Variants in TAF1B observed in about 807,000 individuals in gnomAD.
The protein encoded by TAF1B is TATA-box binding protein associated factor, RNA polymerase I subunit B.
In TAF1B, 61 loss-of-function variants were observed where a neutral mutation model predicts 83.9. The observed-to-expected ratio is 0.73, with a 90% CI of 0.59 to 0.90. The LOEUF (loss-of-function observed/expected upper bound fraction) is 0.90, where lower values mean the gene tolerates loss of function less well. TAF1B is among the 40% of genes least tolerant of loss of function. The probability of loss-of-function intolerance (pLI) is 0.00; values close to 1 mark genes in which losing one functional copy is unlikely to be tolerated. For missense variants in TAF1B, 625 were observed against 677.0 expected, an observed-to-expected ratio of 0.92 and a Z score of 0.85; for synonymous variants, 221 against 224.6, an observed-to-expected ratio of 0.98 and a Z score of 0.14.
chr2:9,864,332 A>G (rs1323640887), intron 5 of TAF1B, among the ~76,000 whole-genome samples: 1 of 152,158 alleles, frequency 6.6e-6, no homozygotes, highest in Non-Finnish European at 1.5e-5. Flanking sequence ...TAAACTAGAG[A>G]ATCTAGAAGA....
At chr2:9,876,072 G>A (rs1366905872) in intron 7 of TAF1B, 54 bp downstream of exon 7, 5 of 1,483,058 alleles carry the variant, frequency 3.4e-6, no homozygotes, top group South Asian at 1.4e-5. Flanking sequence ...CATGAACTAA[G>A]TAGACAAACT....
intron 5 of TAF1B, among the ~76,000 whole-genome samples, chr2:9,856,902 T>C (rs963803236): frequency 2.6e-5 from 4 of 152,344 alleles, no homozygotes; most frequent in Non-Finnish European, 5.9e-5. Flanking sequence ...ATTAGAAGCA[T>C]AGTTTTCTCA....
At chr2:9,918,778 T>G (rs1230774113) in intron 12 of TAF1B, among the ~76,000 whole-genome samples, 1 of 152,196 alleles carries the variant, frequency 6.6e-6, no homozygotes, top group Non-Finnish European at 1.5e-5. Context: ...AGTTTCTATG[T>G]TTTTTGTATA....
In TAF1B at chr2:9,896,620, CAAAAA is replaced by C. The variant is rs71391108; in HGVS notation, c.808-8221_808-8217del. ...GAAAGTTGAGAGCACATCTAAAAAC[CAAAAA>C]AAAAAAAAAAAAAAAAAGCTTTAAA... On this transcript the variant is annotated intron_variant, in intron 8 of 14. Transcript: ENST00000263663. Among the ~76,000 whole-genome samples, 27 of 66,536 alleles carry C rather than the reference CAAAAA, an allele frequency of 4.1e-4. No individual in the cohort carries two copies. The South Asian group carries it at 4.9e-3, about 12-fold the overall frequency. The allele number at this position is 66,536 out of a possible 152,430, so 43.7% of individuals were successfully genotyped here.
chr2:9,911,675 C>A, intron 11 of TAF1B, 118 bp downstream of exon 11: 4 of 579,232 alleles, frequency 6.9e-6, no homozygotes, highest in South Asian at 3.1e-5. Context: ...CACATGTATA[C>A]AAATTGTATA....
chr2:9,922,989 A>G (rs1170548661), intron 14 of TAF1B, among the ~76,000 whole-genome samples: 1 of 152,208 alleles, frequency 6.6e-6, no homozygotes, highest in Non-Finnish European at 1.5e-5. Context: ...TCCACCTGTA[A>G]TCCTAGCACT....
intron 6 of TAF1B, among the ~76,000 whole-genome samples, chr2:9,871,273 G>C (rs943621464): frequency 6.6e-6 from 1 of 151,944 alleles, no homozygotes; most frequent in Non-Finnish European, 1.5e-5. Context: ...TAGTAGAGAC[G>C]GGGTTTCATC....
chr2:9,905,053 A>G, intron 9 of TAF1B, 47 bp downstream of exon 9: 2 of 1,527,284 alleles, frequency 1.3e-6, no homozygotes, highest in Non-Finnish European at 1.8e-6. Flanking sequence ...TAGTAGAGTA[A>G]TAATAAGCAG....
chr2:9,924,510 A>G (rs927193479), intron 14 of TAF1B, among the ~76,000 whole-genome samples: 1 of 152,234 alleles, frequency 6.6e-6, no homozygotes, highest in African/African-American at 2.4e-5. Flanking sequence ...GCTCCATGCC[A>G]CTAAATAAGG....
chr2:9,875,014 A>C (rs1460382627), intron 6 of TAF1B, among the ~76,000 whole-genome samples: 1 of 149,642 alleles, frequency 6.7e-6, no homozygotes, highest in Non-Finnish European at 1.5e-5. Flanking sequence ...CCCAGGTTGG[A>C]TGGAGTGCAA....
intron 9 of TAF1B, among the ~76,000 whole-genome samples, chr2:9,909,493 A>G (rs561913094): frequency 1.3e-5 from 2 of 152,396 alleles, no homozygotes; most frequent in African/African-American, 4.8e-5. Context: ...TGTGCAAAGC[A>G]GAGAGGCAAG....
chr2:9,871,273 G>A (rs943621464), intron 6 of TAF1B, among the ~76,000 whole-genome samples: 4 of 151,940 alleles, frequency 2.6e-5, no homozygotes, highest in South Asian at 2.1e-4. Context: ...TAGTAGAGAC[G>A]GGGTTTCATC....
At chr2:9,910,626 CTG>C in intron 9 of TAF1B, 108 bp from the exon 10 acceptor site, 1 of 891,230 alleles carries the variant, frequency 1.1e-6, no homozygotes, top group East Asian at 2.8e-5. Flanking sequence ...ATGTGGGTCT[CTG>C]AGTTCTTGCA....
intron 7 of TAF1B, among the ~76,000 whole-genome samples, chr2:9,880,033 G>T (rs183101259): frequency 2.6e-5 from 4 of 152,244 alleles, no homozygotes; most frequent in African/African-American, 7.2e-5. Context: ...TCTGGGAAGG[G>T]TGGAAGCACG....
At chr2:9,847,257 A>G (rs1346804729) in intron 2 of TAF1B, among the ~76,000 whole-genome samples, 1 of 152,176 alleles carries the variant, frequency 6.6e-6, no homozygotes, top group Non-Finnish European at 1.5e-5. Flanking sequence ...AAAGACCAAG[A>G]ACCTAGCTCA....
chr2:9,845,179 T>C, intron 1 of TAF1B, 41 bp from the exon 2 acceptor site: 2 of 1,508,246 alleles, frequency 1.3e-6, no homozygotes, highest in Non-Finnish European at 1.8e-6. Flanking sequence ...GTATTGAATG[T>C]GGCTTGATGG....
rs1305016991 is a variant in TAF1B, at chr2:9,867,231, G to A, written c.400-1045G>A. On this transcript the variant is annotated intron_variant, in intron 5 of 14. Transcript: ENST00000263663. ...ATATCTTTGAGTGTACAGAGAGGTG[G>A]GATCAAGTGCACAAATAGAGAAACT... 4.6e-5 allele frequency among the ~76,000 whole-genome samples: 7 copies of A among 152,272 alleles called. No homozygotes were observed. The East Asian group carries it at 1.4e-3, about 29-fold the overall frequency.
chr2:9,863,397 C>G (rs531063889), intron 5 of TAF1B, among the ~76,000 whole-genome samples: 3 of 152,318 alleles, frequency 2.0e-5, no homozygotes, highest in African/African-American at 7.2e-5. Context: ...GAAGAGCTAA[C>G]TATCCTAAAT....
chr2:9,933,486 G>A (rs1666279405), intron 14 of TAF1B, among the ~76,000 whole-genome samples: 1 of 152,166 alleles, frequency 6.6e-6, no homozygotes, highest in South Asian at 2.1e-4. Flanking sequence ...CTTGACCATG[G>A]TAAGAAAGTG....
Sources: allele counts gnomAD v4.1 joint callset (sites outside exome capture counted in the v4.1 genomes callset), GRCh38; gene constraint gnomAD v4.1.1; transcripts MANE v1.5; gene names NCBI Gene and HGNC (gene_info 2026-07-23, HGNC 2026-07-21).